The following AKAP13 variants were observed in gnomAD, a reference collection of about 807,000 sequenced individuals.
The protein encoded by AKAP13 is A-kinase anchor protein 13.
Under a neutral mutation model 264.5 loss-of-function variants are expected in AKAP13, and 80 were observed. That is an observed-to-expected ratio of 0.30 (90% confidence interval 0.25 to 0.36). The LOEUF is 0.36. AKAP13 is among the 10% of genes least tolerant of loss of function. AKAP13 has a pLI of 1.00. For synonymous variants in AKAP13, 1,380 were observed against 1,250.2 expected (o/e 1.10, Z -2.19); for missense variants, 3,712 against 3,435.2 (o/e 1.08, Z -2.01).
intron 14 of AKAP13, chr15:85,670,612 C>T (rs1454024762): frequency 1.3e-5 from 2 of 151,300 alleles, no homozygotes; most frequent in Non-Finnish European, 2.9e-5. Flanking sequence ...GTTGTCATAT[C>T]TCTTTAGTCC....
rs539612729 is a variant in AKAP13, at chr15:85,499,692, C to T, written c.33+13939C>T. Among the ~76,000 whole-genome samples, 8 of 151,560 alleles carry T rather than the reference C, an allele frequency of 5.3e-5. No individual in the cohort carries two copies. In the South Asian group the frequency reaches 1.7e-3, roughly 32 times the overall value. On this transcript the variant is annotated intron_variant, in intron 2 of 36. Transcript: ENST00000394518. ...CCTAACACATGCATAAAGAAAAACA[C>T]TTATCTTTCAGGATTCATTTCCTGC...
At chr15:85,424,602 G>A (rs1158898248) in intron 1 of AKAP13, among the ~76,000 whole-genome samples, 6 of 152,160 alleles carry the variant, frequency 3.9e-5, no homozygotes, top group African/African-American at 1.2e-4. Flanking sequence ...TAAGGCTATT[G>A]TGCTTTCTTA....
chr15:85,391,751 C>G (rs543570472), intron 1 of AKAP13, among the ~76,000 whole-genome samples: 6 of 151,754 alleles, frequency 4.0e-5, no homozygotes, highest in Non-Finnish European at 8.8e-5. Flanking sequence ...TCCCAAAGTG[C>G]TGGGATCATA....
chr15:85,630,310 GTC>G (rs1431083338), intron 8 of AKAP13, among the ~76,000 whole-genome samples: 2 of 148,688 alleles, frequency 1.3e-5, no homozygotes, highest in Non-Finnish European at 3.0e-5. Flanking sequence ...CCGGCCCAGT[GTC>G]TCTGTATATA....
chr15:85,719,808 G>A (rs1361881684), intron 23 of AKAP13, among the ~76,000 whole-genome samples: 1 of 151,962 alleles, frequency 6.6e-6, no homozygotes, highest in Non-Finnish European at 1.5e-5. Context: ...GGTGGCATAT[G>A]GGAGACTGAG....
intron 14 of AKAP13, among the ~76,000 whole-genome samples, chr15:85,676,191 G>C (rs777796994): frequency 6.6e-6 from 1 of 152,178 alleles, no homozygotes; most frequent in Non-Finnish European, 1.5e-5. Flanking sequence ...GATTACAGGC[G>C]TGAGCCACCA....
rs1480262671 is a variant in AKAP13 at position 85,499,787 on chromosome 15, C to G, written c.33+14034C>G. On this transcript the variant is annotated intron_variant, in intron 2 of 36. Coordinates refer to ENST00000394518, the MANE Select transcript of AKAP13 (RefSeq NM_007200.5). The stretch of plus-strand genomic sequence containing the variant: ...GATCCATCACTCCTACTCCTATGCC[C>G]CGGCTACTCTGTGCAGACTTTGTAA... Among the ~76,000 whole-genome samples the G allele has an allele frequency of 2.0e-5, 3 of 152,226 alleles. No individual in the cohort carries two copies. In the East Asian group the frequency reaches 5.8e-4, roughly 29 times the overall value.
rs144269598 is a variant in AKAP13 at position 85,579,019 on chromosome 15, T to C, written c.951T>C (p.Phe317=). The C allele has an allele frequency of 5.7e-4, 920 of 1,614,138 alleles. No individual in the cohort carries two copies. Among genetic ancestry groups the C allele is most frequent in the Non-Finnish European group, 7.5e-4 (884 of 1,180,032 alleles). Residue 317 remains phenylalanine, a synonymous_variant, in exon 7 of 37, where the codon TTT becomes TTC. Coordinates refer to ENST00000394518, the MANE Select transcript of AKAP13 (RefSeq NM_007200.5). The part of the protein sequence containing the change: ...PSSAPETDGQ[F]LPCAPEPTDP... ...GTGCCCCAGAGACAGATGGCCAGTT[T>C]CTTCCCTGTGCACCGGAGCCCACGG...
intron 18 of AKAP13, among the ~76,000 whole-genome samples, chr15:85,709,966 G>A (rs1285227945): frequency 1.3e-5 from 2 of 152,158 alleles, no homozygotes; most frequent in Non-Finnish European, 2.9e-5. Flanking sequence ...GGGATTACAG[G>A]TGTGAGTCAC....
At position 85,575,208 on chromosome 15, in the gene AKAP13, A is replaced by T; in HGVS notation, c.740A>T (p.His247Leu). 6.2e-7 allele frequency: 1 copy of T among 1,614,174 alleles called. No homozygotes were observed. Among genetic ancestry groups the T allele is most frequent in the Admixed American group, 1.7e-5 (1 of 60,024 alleles). Residue 247 changes from histidine to leucine, a missense_variant, in exon 6 of 37, where the codon CAT (histidine) becomes CTT (leucine). By Grantham distance (99) the His-to-Leu change is moderately conservative. This residue lies in a region of AKAP13 where 2,759 missense variants were observed against 2,411.7 expected (regional missense o/e 1.14). Coordinates refer to ENST00000394518, the MANE Select transcript of AKAP13 (RefSeq NM_007200.5). ...IPYGDCSVRH[H>L]RELDIYTLTS... ...TATGGAGACTGTTCTGTGAGGCATC[A>T]TCGAGAGTTGGACATCTATACATTA...
rs375575564 is a variant in AKAP13, at chr15:85,521,556, A to G, written c.162A>G (p.Thr54=). 7 of 1,614,030 alleles carry G rather than the reference A, an allele frequency of 4.3e-6. 1 individual carries two copies. Among genetic ancestry groups the G allele is most frequent in the Admixed American group, 1.7e-5 (1 of 60,000 alleles). The change falls in exon 3 of 37, where the codon ACA becomes ACG. Residue 54 remains threonine, a synonymous_variant. Transcript: ENST00000394518. ...CTSTRKVSSD[T]LETIAPGHDC... is the part of the protein sequence containing the mutation. ...GTACTCGGAAGGTCAGTTCTGATAC[A>G]TTGGAGACCATTGCTCCTGGTAAGT...
intron 1 of AKAP13, among the ~76,000 whole-genome samples, chr15:85,441,172 C>G (rs2073634839): frequency 6.6e-6 from 1 of 152,102 alleles, no homozygotes; most frequent in African/African-American, 2.4e-5. Context: ...TTCAGTTTTC[C>G]ACACATTTTG....
chr15:85,600,793 G>A (rs1238115714), intron 8 of AKAP13, among the ~76,000 whole-genome samples: 1 of 150,216 alleles, frequency 6.7e-6, no homozygotes, highest in Non-Finnish European at 1.5e-5. Context: ...TTGTCAGGGA[G>A]ATAAAATTCT....
intron 33 of AKAP13, 25 bp downstream of exon 33, chr15:85,736,159 G>GA: frequency 6.5e-7 from 1 of 1,544,034 alleles, no homozygotes. Flanking sequence ...AACTATTTAA[G>GA]AAAATATGTG....
intron 8 of AKAP13, among the ~76,000 whole-genome samples, chr15:85,595,999 A>T (rs1273012401): frequency 1.3e-5 from 2 of 152,190 alleles, no homozygotes. Context: ...CTTTCATTTC[A>T]TACAGTGATG....
chr15:85,691,855 A>C (rs2085302497), intron 16 of AKAP13: 2 of 493,428 alleles, frequency 4.1e-6, no homozygotes, highest in Non-Finnish European at 8.1e-6. Flanking sequence ...AAGGAGCTTC[A>C]CAAAAGAGGT....
In AKAP13 at chr15:85,721,972, T is replaced by C. The variant is rs765417014; in HGVS notation, c.6253-19T>C. On this transcript the variant is annotated intron_variant, in intron 23 of 36. Coordinates refer to ENST00000394518, the MANE Select transcript of AKAP13 (RefSeq NM_007200.5). Reference sequence around the variant, plus strand: ...GTTTGGCGCCCCATGGCATAACTTCTGTTCTCTTTTCTCTGCAGTTTTCAG... The same window carrying C: ...GTTTGGCGCCCCATGGCATAACTTCCGTTCTCTTTTCTCTGCAGTTTTCAG... The C allele has an allele frequency of 1.1e-5, 18 of 1,613,418 alleles. No homozygotes were observed. Among genetic ancestry groups the C allele is most frequent in the Non-Finnish European group, 1.4e-5 (17 of 1,179,740 alleles).
intron 15 of AKAP13, chr15:85,684,488 C>T (rs998107476): frequency 9.5e-6 from 3 of 316,112 alleles, no homozygotes; most frequent in Non-Finnish European, 1.7e-5. Flanking sequence ...TGCGTGAGCT[C>T]AGGAGTTCAA....
At chr15:85,487,987 T>A (rs1203219855) in intron 2 of AKAP13, among the ~76,000 whole-genome samples, 1 of 152,234 alleles carries the variant, frequency 6.6e-6, no homozygotes, top group Non-Finnish European at 1.5e-5. Context: ...AGCTGCGATC[T>A]CCCAGGCTCA....
Sources: allele counts gnomAD v4.1 joint callset (sites outside exome capture counted in the v4.1 genomes callset), GRCh38; gene constraint gnomAD v4.1.1; regional missense constraint gnomAD v4.1.1; transcripts MANE v1.5; gene names NCBI Gene and HGNC (gene_info 2026-07-23, HGNC 2026-07-21).